CNTLN: variants seen among roughly 807,000 people sequenced by gnomAD.
The protein encoded by CNTLN is centlein, also known as centlein, centrosomal protein.
Under a neutral mutation model 180.0 loss-of-function variants are expected in CNTLN, and 212 were observed. That is an observed-to-expected ratio of 1.18 (90% confidence interval 1.05 to 1.32). The LOEUF is 1.32. CNTLN is among the 40% of genes most tolerant of loss of function. CNTLN has a pLI of 0.00. For synonymous variants in CNTLN, 722 were observed against 563.1 expected, an observed-to-expected ratio of 1.28 and a Z score of -3.99; for missense variants, 2,095 against 1,610.9, an observed-to-expected ratio of 1.30 and a Z score of -5.14.
the CNTLN span, among the ~76,000 whole-genome samples, chr9:17,510,709 T>TA: frequency 6.6e-6 from 1 of 152,342 alleles, no homozygotes; most frequent in South Asian, 2.1e-4. Context: ...TTGGACTTGC[T>TA]AGGCTCCATA....
At position 17,435,624 on chromosome 9, in the gene CNTLN, G is replaced by A. The variant is rs542483332; in HGVS notation, c.3114+19435G>A. Among the ~76,000 whole-genome samples the A allele has an allele frequency of 9.9e-5, 15 of 151,162 alleles. No individual in the cohort carries two copies. In the South Asian group the frequency reaches 2.5e-3, roughly 25 times the overall value. On this transcript the variant is annotated intron_variant, in intron 18 of 25. Transcript: ENST00000380647. ...TGCCTAGGATGGAGTGCAGTGGCGC[G>A]ATCTCGGCTCACTGCAGCCTCTGTC...
At chr9:17,197,493 T>C (rs1822210391) in intron 2 of CNTLN, among the ~76,000 whole-genome samples, 1 of 152,198 alleles carries the variant, frequency 6.6e-6, no homozygotes, top group Admixed American at 6.5e-5. Context: ...GCCATGTTGG[T>C]GGAGCACCTT....
At chr9:17,362,644 G>C (rs1410717117) in intron 12 of CNTLN, among the ~76,000 whole-genome samples, 1 of 152,042 alleles carries the variant, frequency 6.6e-6, no homozygotes, top group Non-Finnish European at 1.5e-5. Context: ...TAAAAGTCTA[G>C]AACTAATGTA....
the CNTLN span, among the ~76,000 whole-genome samples, chr9:17,525,558 C>A: frequency 6.6e-6 from 1 of 151,970 alleles, no homozygotes; most frequent in Non-Finnish European, 1.5e-5. Flanking sequence ...CATTGGTTTG[C>A]GAGTTAAATG....
At chr9:17,455,572 G>A (rs1231823954) in intron 18 of CNTLN, among the ~76,000 whole-genome samples, 2 of 152,102 alleles carry the variant, frequency 1.3e-5, no homozygotes, top group African/African-American at 4.8e-5. Flanking sequence ...AATGAGAGAA[G>A]CCACCTAAGT....
chr9:17,443,205 T>G (rs1177306240), intron 18 of CNTLN, among the ~76,000 whole-genome samples: 3 of 152,154 alleles, frequency 2.0e-5, no homozygotes, highest in Non-Finnish European at 4.4e-5. Context: ...TTAAATATAT[T>G]AGAAATGAAG....
intron 5 of CNTLN, among the ~76,000 whole-genome samples, chr9:17,243,840 A>G (rs1251712241): frequency 1.3e-5 from 2 of 152,220 alleles, no homozygotes; most frequent in African/African-American, 4.8e-5. Flanking sequence ...TCTGTAGTGC[A>G]GATGAGTCTG....
At chr9:17,492,109 T>G (rs1833193140) in intron 25 of CNTLN, among the ~76,000 whole-genome samples, 1 of 152,096 alleles carries the variant, frequency 6.6e-6, no homozygotes, top group Non-Finnish European at 1.5e-5. Context: ...AGCAAGAGTT[T>G]AAAATTCTCT....
At chr9:17,473,556 T>C (rs997515262) in intron 23 of CNTLN, among the ~76,000 whole-genome samples, 3 of 151,192 alleles carry the variant, frequency 2.0e-5, no homozygotes, top group East Asian at 3.9e-4. Context: ...TCCCTCTATA[T>C]TGGATCACTT....
At chr9:17,462,249 C>A (rs1413398334) in intron 19 of CNTLN, among the ~76,000 whole-genome samples, 1 of 151,670 alleles carries the variant, frequency 6.6e-6, no homozygotes, top group African/African-American at 2.4e-5. Flanking sequence ...TTGGAAGATA[C>A]AAAATAGCCT....
At chr9:17,383,712 A>C (rs1429473490) in intron 13 of CNTLN, among the ~76,000 whole-genome samples, 2 of 151,274 alleles carry the variant, frequency 1.3e-5, no homozygotes, top group African/African-American at 4.9e-5. Context: ...ATCTCGGCCC[A>C]CTGCAAGCTC....
intron 5 of CNTLN, among the ~76,000 whole-genome samples, chr9:17,272,897 CCTT>C (rs1368937861): frequency 6.6e-6 from 1 of 152,098 alleles, no homozygotes; most frequent in Non-Finnish European, 1.5e-5. Context: ...CTCCCTCCCT[CCTT>C]CTGCCCTTAT....
intron 7 of CNTLN, among the ~76,000 whole-genome samples, chr9:17,303,162 T>C (rs190860565): frequency 3.9e-5 from 6 of 152,246 alleles, no homozygotes. Flanking sequence ...ATCTAGGTAA[T>C]CTTGGGTCCA....
At chr9:17,376,141 C>G (rs1824739264) in intron 13 of CNTLN, among the ~76,000 whole-genome samples, 1 of 152,132 alleles carries the variant, frequency 6.6e-6, no homozygotes, top group Non-Finnish European at 1.5e-5. Flanking sequence ...AAGCTTATCT[C>G]TTTATCAGCT....
intron 14 of CNTLN, among the ~76,000 whole-genome samples, chr9:17,393,876 C>T (rs543821222): frequency 4.6e-5 from 7 of 152,100 alleles, no homozygotes; most frequent in African/African-American, 1.7e-4. Flanking sequence ...TTTGAAATTC[C>T]TTAAGATTAA....
the CNTLN span, among the ~76,000 whole-genome samples, chr9:17,521,975 T>G: frequency 1.3e-5 from 2 of 152,188 alleles, no homozygotes; most frequent in African/African-American, 2.4e-5. Flanking sequence ...CTATATTATT[T>G]TCTATCATAT....
At chr9:17,253,516 T>C (rs971179399) in intron 5 of CNTLN, among the ~76,000 whole-genome samples, 1 of 151,584 alleles carries the variant, frequency 6.6e-6, no homozygotes, top group African/African-American at 2.4e-5. Context: ...TTTATTTGTG[T>C]TTTCTGTAGC....
intron 15 of CNTLN, among the ~76,000 whole-genome samples, chr9:17,399,167 T>C (rs1386499235): frequency 6.6e-6 from 1 of 152,192 alleles, no homozygotes; most frequent in Non-Finnish European, 1.5e-5. Flanking sequence ...TAAACTGGAG[T>C]TCTAAGCCAC....
intron 2 of CNTLN, among the ~76,000 whole-genome samples, chr9:17,159,136 C>T (rs1250855730): frequency 6.6e-6 from 1 of 152,148 alleles, no homozygotes; most frequent in Middle Eastern, 3.4e-3. Context: ...CTCAGTTTTC[C>T]AATTTTGATT....
Sources: gnomAD v4.1 joint callset for allele counts (sites outside exome capture counted in the v4.1 genomes callset) on GRCh38, gnomAD v4.1.1 for gene constraint, MANE v1.5 for transcripts, NCBI Gene and HGNC (gene_info 2026-07-23, HGNC 2026-07-21) for gene names.